Variants in RPS6KC1 observed in about 807,000 individuals in gnomAD.
RPS6KC1 encodes inactive ribosomal protein S6 kinase delta-1.
Under a neutral mutation model 103.8 loss-of-function variants are expected in RPS6KC1, and 54 were observed. The observed-to-expected ratio is 0.52, with a 90% confidence interval of 0.42 to 0.65. The LOEUF (loss-of-function observed/expected upper bound fraction) is 0.65, where lower values mean the gene tolerates loss of function less well. RPS6KC1 is among the 30% of genes least tolerant of loss of function. The pLI is 0.00. For missense variants in RPS6KC1, 1,151 were observed against 1,253.8 expected, an observed-to-expected ratio of 0.92 and a Z score of 1.24; for synonymous variants, 439 against 438.7, an observed-to-expected ratio of 1.00 and a Z score of -0.01.
chr1:213,325,925 GT>G, the RPS6KC1 span, among the ~76,000 whole-genome samples: 6 of 152,226 alleles, frequency 3.9e-5, no homozygotes, highest in Non-Finnish European at 2.9e-5. Flanking sequence ...CTTCTCCAGA[GT>G]CAGAAACATT....
At chr1:213,173,501 G>A (rs1000290399) in intron 7 of RPS6KC1, among the ~76,000 whole-genome samples, 1 of 152,178 alleles carries the variant, frequency 6.6e-6, no homozygotes, top group African/African-American at 2.4e-5. Context: ...CTGACCCTAA[G>A]TATATAATTT....
At chr1:213,056,849 G>C (rs1451822971) in intron 1 of RPS6KC1, among the ~76,000 whole-genome samples, 1 of 151,072 alleles carries the variant, frequency 6.6e-6, no homozygotes, top group African/African-American at 2.4e-5. Context: ...CCTGTGTTCC[G>C]GGAAGCTTTT....
intron 6 of RPS6KC1, among the ~76,000 whole-genome samples, chr1:213,167,562 T>C (rs1173152807): frequency 6.6e-6 from 1 of 152,104 alleles, no homozygotes; most frequent in East Asian, 1.9e-4. Flanking sequence ...CTAGTCTTTT[T>C]GTCTTCAGAG....
the RPS6KC1 span, among the ~76,000 whole-genome samples, chr1:213,459,095 G>T: frequency 6.6e-6 from 1 of 152,100 alleles, no homozygotes; most frequent in African/African-American, 2.4e-5. Context: ...GCCAGGTTTT[G>T]GTATCAGGAA....
chr1:213,469,102 C>T, the RPS6KC1 span, among the ~76,000 whole-genome samples: 1 of 152,240 alleles, frequency 6.6e-6, no homozygotes, highest in South Asian at 2.1e-4. Flanking sequence ...TTGTCTTTGT[C>T]CTTTACTGGA....
the RPS6KC1 span, among the ~76,000 whole-genome samples, chr1:213,514,478 G>A: frequency 6.7e-6 from 1 of 150,200 alleles, no homozygotes; most frequent in Non-Finnish European, 1.5e-5. Context: ...AGAACATGTG[G>A]TGTTTGTTTT....
At chr1:213,479,181 C>A in the RPS6KC1 span, among the ~76,000 whole-genome samples, 142 of 152,056 alleles carry the variant, frequency 9.3e-4, no homozygotes, top group African/African-American at 3.3e-3. Context: ...ACTTTTTGTA[C>A]TTATTAACGA....
chr1:213,797,628 A>G, the RPS6KC1 span, among the ~76,000 whole-genome samples: 1 of 152,238 alleles, frequency 6.6e-6, no homozygotes, highest in Non-Finnish European at 1.5e-5. Flanking sequence ...GGAAATGAAA[A>G]GCATTTACAT....
At chr1:213,379,574 T>G in the RPS6KC1 span, among the ~76,000 whole-genome samples, 15 of 152,182 alleles carry the variant, frequency 9.9e-5, no homozygotes, top group Non-Finnish European at 1.8e-4. Context: ...TGTGAGATAA[T>G]AAGTATCTGT....
rs891249555 is a variant in RPS6KC1 at position 213,135,385 on chromosome 1, T to G, written c.835+5496T>G. ...AAAAGAGGGACTGCTTATTGAGGTA[T>G]GAGCCTTCTATCCGTCTCTGTCTGG... On this transcript the variant is annotated intron_variant, in intron 6 of 14. Coordinates refer to ENST00000366960, the MANE Select transcript of RPS6KC1 (RefSeq NM_012424.6). 7.2e-5 allele frequency among the ~76,000 whole-genome samples: 11 copies of G among 152,314 alleles called. No individual in the cohort carries two copies. The East Asian group carries it at 2.1e-3, about 29-fold the overall frequency.
chr1:213,129,459 G>C, intron 5 of RPS6KC1, 68 bp from the exon 6 acceptor site: 1 of 1,443,240 alleles, frequency 6.9e-7, no homozygotes, highest in Non-Finnish European at 9.3e-7. Context: ...TGAATAATTA[G>C]CATGATTTGT....
the RPS6KC1 span, among the ~76,000 whole-genome samples, chr1:213,320,436 A>G: frequency 6.6e-6 from 1 of 152,348 alleles, no homozygotes; most frequent in East Asian, 1.9e-4. Context: ...TGTGAGCCAC[A>G]TATCAGGCAC....
the RPS6KC1 span, among the ~76,000 whole-genome samples, chr1:213,635,810 G>A: frequency 6.6e-6 from 1 of 152,114 alleles, no homozygotes; most frequent in African/African-American, 2.4e-5. Flanking sequence ...ATTCAAATAG[G>A]AAAAGAGGAA....
intron 8 of RPS6KC1, among the ~76,000 whole-genome samples, chr1:213,193,724 G>A (rs1407890428): frequency 3.3e-5 from 5 of 152,010 alleles, no homozygotes; most frequent in African/African-American, 1.2e-4. Flanking sequence ...CAACCTCCAC[G>A]CTTAAACGAT....
At chr1:213,319,574 C>T in the RPS6KC1 span, among the ~76,000 whole-genome samples, 1 of 152,206 alleles carries the variant, frequency 6.6e-6, no homozygotes, top group Middle Eastern at 3.2e-3. Flanking sequence ...AGCAAGAACA[C>T]ATTGCCAGAA....
Position 213,117,355 on chromosome 1 carries a change from TGCTGAA to T in RPS6KC1, c.421_426del (p.Glu141_Ala142del). ...ATGATAGTTCTGAATTAATTGGTCC[TGCTGAA>T]GCTCACTCAGATTCCCTCATTGATA... On this transcript the variant is annotated inframe_deletion, in exon 5 of 15. Coordinates refer to ENST00000366960, the MANE Select transcript of RPS6KC1 (RefSeq NM_012424.6). 2.5e-6 allele frequency: 4 copies of T among 1,610,564 alleles called. No homozygotes were observed. Among genetic ancestry groups the T allele is most frequent in the Non-Finnish European group, 3.4e-6 (4 of 1,177,078 alleles).
chr1:213,303,860 G>T, the RPS6KC1 span, among the ~76,000 whole-genome samples: 2 of 151,918 alleles, frequency 1.3e-5, no homozygotes, highest in East Asian at 3.9e-4. Flanking sequence ...CCCCTCAATA[G>T]AGCCATTGTA....
At chr1:213,793,119 C>A in the RPS6KC1 span, among the ~76,000 whole-genome samples, 3 of 152,178 alleles carry the variant, frequency 2.0e-5, 1 homozygote, top group Admixed American at 1.3e-4. Context: ...CCAATCTCTT[C>A]CCAGGGAATT....
the RPS6KC1 span, among the ~76,000 whole-genome samples, chr1:213,301,344 T>TA: frequency 6.6e-6 from 1 of 152,148 alleles, no homozygotes; most frequent in South Asian, 2.1e-4. Flanking sequence ...GCTTCAAAAA[T>TA]AAAAAATTAA....
Sources: gnomAD v4.1 joint callset for allele counts (sites outside exome capture counted in the v4.1 genomes callset) on GRCh38, gnomAD v4.1.1 for gene constraint, MANE v1.5 for transcripts, NCBI Gene and HGNC (gene_info 2026-07-23, HGNC 2026-07-21) for gene names.